Variants in MB21D2 observed in about 807,000 individuals in gnomAD.
The protein encoded by MB21D2 is Mab-21 domain containing 2.
A neutral mutation model predicts 33.3 loss-of-function variants in MB21D2; 9 were observed. That is an observed-to-expected ratio of 0.27 (90% CI 0.16 to 0.47). The LOEUF (loss-of-function observed/expected upper bound fraction) is 0.47, where lower values mean the gene tolerates loss of function less well. MB21D2 is among the 20% of genes least tolerant of loss of function. The pLI is 0.99. For synonymous variants in MB21D2, 241 were observed against 236.3 expected (o/e 1.02, Z -0.18); for missense variants, 540 against 624.6 (o/e 0.86, Z 1.44).
chr3:192,843,863 A>T (rs1043100928), intron 1 of MB21D2, among the ~76,000 whole-genome samples: 2 of 152,028 alleles, frequency 1.3e-5, no homozygotes, highest in African/African-American at 4.8e-5. Flanking sequence ...CAGCCTCATA[A>T]GCAGCCATGG....
At chr3:192,888,486 C>T (rs1264774605) in intron 1 of MB21D2, among the ~76,000 whole-genome samples, 1 of 152,022 alleles carries the variant, frequency 6.6e-6, no homozygotes, top group Non-Finnish European at 1.5e-5. Context: ...GAATTTCTAC[C>T]CATAGAAAAT....
chr3:192,796,948 A>G lies in MB21D2; in HGVS notation c.*1438T>C, dbSNP rs895756086. On this transcript the variant is annotated 3_prime_UTR_variant, in exon 2 of 2. Transcript: ENST00000392452. Reference sequence around the variant, plus strand: ...CCAAGATCGCATATGTCTGATTTCAATTGGCCAAAATCCAACCCTTGAGTT... The same window carrying G: ...CCAAGATCGCATATGTCTGATTTCAGTTGGCCAAAATCCAACCCTTGAGTT... 2.0e-5 allele frequency: 3 copies of G among 152,632 alleles called. No homozygotes were observed. Among genetic ancestry groups the G allele is most frequent in the Non-Finnish European group, 4.4e-5 (3 of 68,026 alleles). The allele number at this position is 152,632 out of a possible 1,614,324, so 9.5% of individuals were successfully genotyped here. A position where few individuals can be genotyped will look rare whatever the true frequency, so the allele number is the denominator to read the frequency against.
intron 1 of MB21D2, among the ~76,000 whole-genome samples, chr3:192,843,320 A>G (rs1712612728): frequency 6.6e-6 from 1 of 152,206 alleles, no homozygotes; most frequent in African/African-American, 2.4e-5. Context: ...TGTCTTTGAC[A>G]TGTCAGAGTG....
intron 1 of MB21D2, among the ~76,000 whole-genome samples, chr3:192,900,342 G>C (rs939961551): frequency 8.2e-5 from 12 of 146,888 alleles, no homozygotes; most frequent in Non-Finnish European, 1.6e-4. Flanking sequence ...AAAGAGAAAA[G>C]CAGTCACCAA....
chr3:192,866,015 T>A (rs1713159414), intron 1 of MB21D2, among the ~76,000 whole-genome samples: 2 of 151,782 alleles, frequency 1.3e-5, no homozygotes, highest in Non-Finnish European at 2.9e-5. Context: ...ACCACTGTAC[T>A]CTGGCCTGGG....
At chr3:192,862,791 A>G (rs1331847809) in intron 1 of MB21D2, among the ~76,000 whole-genome samples, 6 of 152,190 alleles carry the variant, frequency 3.9e-5, no homozygotes, top group Admixed American at 2.0e-4. Flanking sequence ...AATATCTTAA[A>G]CTGGTAATTT....
At chr3:192,906,906 A>G (rs1714226943) in intron 1 of MB21D2, among the ~76,000 whole-genome samples, 1 of 152,256 alleles carries the variant, frequency 6.6e-6, no homozygotes, top group Non-Finnish European at 1.5e-5. Flanking sequence ...TACTAGTTGG[A>G]AGAGACGAAA....
chr3:192,806,781 T>C (rs1178214924), intron 1 of MB21D2, among the ~76,000 whole-genome samples: 1 of 152,238 alleles, frequency 6.6e-6, no homozygotes, highest in Non-Finnish European at 1.5e-5. Context: ...AATGCCTCTC[T>C]AATCTTCCAT....
intron 1 of MB21D2, among the ~76,000 whole-genome samples, chr3:192,901,649 A>G (rs1416865905): frequency 6.6e-6 from 1 of 152,208 alleles, no homozygotes; most frequent in Non-Finnish European, 1.5e-5. Flanking sequence ...TGGAAGGGTT[A>G]TTCATATTAA....
intron 1 of MB21D2, among the ~76,000 whole-genome samples, chr3:192,885,983 T>C (rs961245917): frequency 3.9e-5 from 6 of 152,088 alleles, no homozygotes; most frequent in Admixed American, 3.9e-4. Context: ...TCTTTGGAGA[T>C]GAAGTCTCAC....
intron 1 of MB21D2, among the ~76,000 whole-genome samples, chr3:192,831,701 T>C (rs1189100712): frequency 2.0e-5 from 3 of 152,164 alleles, no homozygotes; most frequent in African/African-American, 7.2e-5. Context: ...AGGTGCCTAC[T>C]ATTATTAGGG....
At chr3:192,901,467 G>A (rs1483471009) in intron 1 of MB21D2, among the ~76,000 whole-genome samples, 2 of 150,506 alleles carry the variant, frequency 1.3e-5, no homozygotes. Context: ...GAGTAAGTAG[G>A]TTGGGAATGG....
At chr3:192,801,318 A>G (rs1711558918) in intron 1 of MB21D2, among the ~76,000 whole-genome samples, 2 of 152,234 alleles carry the variant, frequency 1.3e-5, no homozygotes, top group Admixed American at 1.3e-4. Flanking sequence ...GTGTTTCCCC[A>G]AAGATCAAGA....
chr3:192,800,672 C>T (rs75274879), intron 1 of MB21D2, among the ~76,000 whole-genome samples: 5,743 of 152,238 alleles, frequency 0.038, 217 homozygotes, highest in East Asian at 0.14. Flanking sequence ...CCATAAAACC[C>T]GTCTTCCTCA....
rs534353384 is a variant in MB21D2 at position 192,910,696 on chromosome 3, T to C, written c.211+6934A>G. Among the ~76,000 whole-genome samples the C allele has an allele frequency of 1.6e-4, 25 of 152,360 alleles. No individual in the cohort carries two copies. In the South Asian group the frequency reaches 2.5e-3, roughly 15 times the overall value. On this transcript the variant is annotated intron_variant, in intron 1 of 1. Transcript: ENST00000392452. Reference sequence around the variant, plus strand: ...TCCCTGTTATGTAAATGTACACATATGTCTGGGTATAAGCATATGTATAAC... The same window carrying C: ...TCCCTGTTATGTAAATGTACACATACGTCTGGGTATAAGCATATGTATAAC...
chr3:192,868,182 C>A (rs933335807), intron 1 of MB21D2, among the ~76,000 whole-genome samples: 8 of 152,204 alleles, frequency 5.3e-5, no homozygotes, highest in Admixed American at 3.9e-4. Flanking sequence ...ATTCTGTGAT[C>A]TTCATGTGTG....
chr3:192,861,805 C>CA (rs1713049381), intron 1 of MB21D2, among the ~76,000 whole-genome samples: 1 of 151,958 alleles, frequency 6.6e-6, no homozygotes, highest in African/African-American at 2.4e-5. Context: ...AACTCCATCC[C>CA]AAAAAACAAC....
intron 1 of MB21D2, among the ~76,000 whole-genome samples, chr3:192,842,896 A>G (rs923726308): frequency 2.0e-5 from 3 of 152,204 alleles, no homozygotes; most frequent in African/African-American, 7.2e-5. Context: ...AAAACTGACA[A>G]AAGGACCCTA....
intron 1 of MB21D2, among the ~76,000 whole-genome samples, chr3:192,905,105 C>T (rs960739062): frequency 2.0e-5 from 3 of 152,202 alleles, no homozygotes; most frequent in Non-Finnish European, 4.4e-5. Context: ...TGAAGAACAG[C>T]TGCAGCTGCT....
Sources: allele counts gnomAD v4.1 joint callset (sites outside exome capture counted in the v4.1 genomes callset), GRCh38; gene constraint gnomAD v4.1.1; transcripts MANE v1.5; gene names NCBI Gene and HGNC (gene_info 2026-07-23, HGNC 2026-07-21).